DIAPH2: variants seen among roughly 807,000 people sequenced by gnomAD.
DIAPH2 encodes diaphanous related formin 2.
Under a neutral mutation model 92.7 loss-of-function variants are expected in DIAPH2, and 35 were observed. That is an observed-to-expected ratio of 0.38 (90% CI 0.29 to 0.50). The LOEUF is 0.50. DIAPH2 is among the 20% of genes least tolerant of loss of function. DIAPH2 has a pLI of 0.94. For missense variants in DIAPH2, 701 were observed against 819.5 expected, an observed-to-expected ratio of 0.86 and a Z score of 1.77; for synonymous variants, 301 against 280.4, an observed-to-expected ratio of 1.07 and a Z score of -0.73.
chrX:97,105,774 A>T (rs1159650098), intron 20 of DIAPH2, among the ~76,000 whole-genome samples: 1 of 112,359 alleles, frequency 8.9e-6, no homozygotes, highest in Non-Finnish European at 1.9e-5. Context: ...CTTCAAAATT[A>T]TCCATATTTT....
At chrX:97,359,646 C>T (rs1164138306) in intron 24 of DIAPH2, among the ~76,000 whole-genome samples, 21 of 99,333 alleles carry the variant, frequency 2.1e-4, no homozygotes, top group Non-Finnish European at 1.2e-4. Flanking sequence ...TGGCAGGTCT[C>T]GGCTCACTGC....
chrX:97,421,309 A>G (rs1420089072), intron 25 of DIAPH2, among the ~76,000 whole-genome samples: 1 of 111,968 alleles, frequency 8.9e-6, no homozygotes, highest in Non-Finnish European at 1.9e-5. Context: ...TCTGAGAGTT[A>G]TTTGTCAGCC....
At chrX:96,913,702 A>C (rs1041070278) in intron 7 of DIAPH2, among the ~76,000 whole-genome samples, 2 of 111,095 alleles carry the variant, frequency 1.8e-5, no homozygotes, top group Non-Finnish European at 3.8e-5. Flanking sequence ...TTTATGTTTT[A>C]TTAATGTCAG....
intron 21 of DIAPH2, among the ~76,000 whole-genome samples, chrX:97,127,560 C>T (rs777033210): frequency 2.1e-4 from 24 of 112,271 alleles, no homozygotes; most frequent in Admixed American, 5.6e-4. Flanking sequence ...TAGGGTTACT[C>T]GTTGATTTCT....
At chrX:96,736,607 G>A (rs759232374) in intron 2 of DIAPH2, among the ~76,000 whole-genome samples, 16 of 111,577 alleles carry the variant, frequency 1.4e-4, no homozygotes, top group Middle Eastern at 4.6e-3. Context: ...GGGTTTCACC[G>A]TCTTAGCCAG....
chrX:97,281,510 C>A (rs753221149), intron 23 of DIAPH2, among the ~76,000 whole-genome samples: 13 of 110,849 alleles, frequency 1.2e-4, no homozygotes, highest in Middle Eastern at 4.7e-3. Flanking sequence ...TTTGGGAGGC[C>A]GAGGTGGGTG....
intron 26 of DIAPH2, among the ~76,000 whole-genome samples, chrX:97,548,102 T>C: frequency 8.9e-6 from 1 of 111,959 alleles, no homozygotes; most frequent in African/African-American, 3.2e-5. Flanking sequence ...CTCTAATATC[T>C]GACAACAGAA....
At chrX:96,962,310 T>TACATATATATATAC (rs1556310043) in intron 16 of DIAPH2, among the ~76,000 whole-genome samples, 604 of 37,546 alleles carry the variant, frequency 0.016, 35 homozygotes, top group African/African-American at 0.055. Flanking sequence ...CATATATATA[T>TACATATATATATAC]ACATATATAT....
intron 21 of DIAPH2, among the ~76,000 whole-genome samples, chrX:97,135,172 A>G (rs1282281036): frequency 9.4e-6 from 1 of 106,062 alleles, no homozygotes; most frequent in Non-Finnish European, 2.0e-5. Context: ...AGGAGAACAA[A>G]GACAGAATTT....
At chrX:97,369,155 G>A (rs748654388) in intron 24 of DIAPH2, among the ~76,000 whole-genome samples, 6 of 110,897 alleles carry the variant, frequency 5.4e-5, no homozygotes, top group Non-Finnish European at 1.1e-4. Flanking sequence ...TGATCCGCCC[G>A]CCTCAGCCTC....
chrX:96,764,912 G>A (rs971779455), intron 4 of DIAPH2, among the ~76,000 whole-genome samples: 34 of 110,890 alleles, frequency 3.1e-4, no homozygotes, highest in Admixed American at 2.8e-3. Context: ...ATAAGGGCTG[G>A]AAGCAGCCTG....
chrX:97,393,891 T>G (rs1170782609), intron 25 of DIAPH2, among the ~76,000 whole-genome samples: 2 of 112,023 alleles, frequency 1.8e-5, no homozygotes, highest in Non-Finnish European at 3.8e-5. Context: ...AAATCAGAAT[T>G]GCCTGTTTAC....
chrX:96,837,406 T>TTC (rs2064903789), intron 4 of DIAPH2, among the ~76,000 whole-genome samples: 10 of 55,923 alleles, frequency 1.8e-4, no homozygotes, highest in Non-Finnish European at 2.8e-4. Flanking sequence ...CCTCCCTCCC[T>TTC]CTCTCTCTCT....
intron 17 of DIAPH2, among the ~76,000 whole-genome samples, chrX:97,008,147 C>T (rs2066197770): frequency 9.6e-6 from 1 of 104,355 alleles, no homozygotes; most frequent in African/African-American, 3.5e-5. Flanking sequence ...TTTTAAATAG[C>T]CTGTTTTTAA....
Position 97,437,825 on chromosome X carries a change from T to C in DIAPH2, c.3241+8080T>C, listed in dbSNP as rs566285429. 5.5e-5 allele frequency among the ~76,000 whole-genome samples: 6 copies of C among 109,252 alleles called. No individual in the cohort carries two copies. The South Asian group carries it at 2.0e-3, about 37-fold the overall frequency. The allele number at this position is 109,252 out of a possible 115,157, so 94.9% of individuals were successfully genotyped here. A position where few individuals can be genotyped will look rare whatever the true frequency, so the allele number is the denominator to read the frequency against. On this transcript the variant is annotated intron_variant, in intron 26 of 26. Coordinates refer to ENST00000324765, the MANE Select transcript of DIAPH2 (RefSeq NM_006729.5). ...ATGAGTTTGAGGCTGGAGACAGATT[T>C]TGGGGACATCTGCACATATATATGT...
intron 25 of DIAPH2, among the ~76,000 whole-genome samples, chrX:97,387,807 C>A (rs187194846): frequency 1.8e-5 from 2 of 111,511 alleles, no homozygotes; most frequent in East Asian, 5.6e-4. Context: ...TCAAAGGAGG[C>A]AAGTGTTAAA....
intron 26 of DIAPH2, among the ~76,000 whole-genome samples, chrX:97,525,927 G>C (rs1158593040): frequency 8.9e-6 from 1 of 111,900 alleles, no homozygotes; most frequent in African/African-American, 3.2e-5. Context: ...TTTGCCTGTG[G>C]CTTATTTGTC....
In DIAPH2 at chrX:97,141,748, C is replaced by G; in HGVS notation, c.2673C>G (p.Ile891Met). Residue 891 changes from isoleucine to methionine, a missense_variant, in exon 22 of 27, where the codon ATC becomes ATG. This residue lies in a region of DIAPH2 where 536 missense variants were observed against 599.3 expected (regional missense o/e 0.89). Transcript: ENST00000324765. ...ADICEEKYRDILKFPEELEHV... is the reference protein window; with the variant it reads ...ADICEEKYRDMLKFPEELEHV... ...TTTGTGAGGAAAAATATCGAGATAT[C>G]CTAAAATTTCCTGAAGAACTGGAAC... The G allele has an allele frequency of 8.3e-7, 1 of 1,204,040 alleles. No individual in the cohort carries two copies. Among genetic ancestry groups the G allele is most frequent in the Non-Finnish European group, 1.1e-6 (1 of 892,711 alleles).
At chrX:97,016,426 TC>T (rs1214238415) in intron 17 of DIAPH2, among the ~76,000 whole-genome samples, 2 of 111,995 alleles carry the variant, frequency 1.8e-5, no homozygotes, top group African/African-American at 3.2e-5. Flanking sequence ...ATGAAAAAAA[TC>T]AAATAAAATT....
Sources: gnomAD v4.1 joint callset for allele counts (sites outside exome capture counted in the v4.1 genomes callset) on GRCh38, gnomAD v4.1.1 for gene constraint, gnomAD v4.1.1 regional missense constraint, MANE v1.5 for transcripts, NCBI Gene and HGNC (gene_info 2026-07-23, HGNC 2026-07-21) for gene names.